The following ARMC3 variants were observed in gnomAD, a reference collection of about 807,000 sequenced individuals.
ARMC3 encodes the protein armadillo repeat-containing protein 3.
Under a neutral mutation model 90.3 loss-of-function variants are expected in ARMC3, and 74 were observed. The ratio of observed to expected loss-of-function variants is 0.82; its 90% CI spans 0.68 to 0.99. The LOEUF is 0.99. ARMC3 is among the 50% of genes least tolerant of loss of function. The probability of loss-of-function intolerance (pLI) is 0.00; values close to 1 mark genes in which losing one functional copy is unlikely to be tolerated. For synonymous variants in ARMC3, 334 were observed against 361.8 expected, an observed-to-expected ratio of 0.92 and a Z score of 0.87; for missense variants, 958 against 1,042.8, an observed-to-expected ratio of 0.92 and a Z score of 1.12.
At chr10:22,953,626 AAG>A (rs200625873) in intron 3 of ARMC3, among the ~76,000 whole-genome samples, 4,980 of 152,296 alleles carry the variant, frequency 0.033, 109 homozygotes, top group Middle Eastern at 0.095. Flanking sequence ...GGAGCAAGAG[AAG>A]GATGTCTGCT....
At chr10:22,950,072 T>A (rs1374377153) in intron 3 of ARMC3, among the ~76,000 whole-genome samples, 1 of 135,852 alleles carries the variant, frequency 7.4e-6, no homozygotes, top group Non-Finnish European at 1.5e-5. Context: ...GAAATAATGT[T>A]TTTTTTCCAA....
chr10:22,951,104 ATTGT>A (rs1834724748), intron 3 of ARMC3, among the ~76,000 whole-genome samples: 1 of 152,138 alleles, frequency 6.6e-6, no homozygotes, highest in Non-Finnish European at 1.5e-5. Context: ...CACCCAGCTA[ATTGT>A]TTGTATTTTT....
At chr10:23,029,442 G>A (rs981179428) in intron 16 of ARMC3, among the ~76,000 whole-genome samples, 6 of 152,112 alleles carry the variant, frequency 3.9e-5, no homozygotes, top group Non-Finnish European at 8.8e-5. Flanking sequence ...GGTGAAGTAT[G>A]CTTACTCCAC....
intron 16 of ARMC3, among the ~76,000 whole-genome samples, chr10:23,012,559 CA>C (rs1838064744): frequency 6.6e-6 from 1 of 152,104 alleles, no homozygotes; most frequent in African/African-American, 2.4e-5. Context: ...ACTCATTGTT[CA>C]CCGCAGCTCC....
intron 16 of ARMC3, among the ~76,000 whole-genome samples, chr10:23,017,486 C>T (rs1033003792): frequency 1.3e-5 from 2 of 152,228 alleles, no homozygotes; most frequent in Non-Finnish European, 2.9e-5. Flanking sequence ...AGTGATTGAC[C>T]GGGCATGGTG....
chr10:23,026,652 A>C (rs1249726400), intron 16 of ARMC3, among the ~76,000 whole-genome samples: 2 of 152,284 alleles, frequency 1.3e-5, no homozygotes, highest in African/African-American at 2.4e-5. Flanking sequence ...CATCATACTT[A>C]ATGGTAAAAG....
chr10:22,944,031 AGTT>A (rs925069039), intron 2 of ARMC3, among the ~76,000 whole-genome samples: 5 of 152,090 alleles, frequency 3.3e-5, no homozygotes, highest in African/African-American at 1.2e-4. Flanking sequence ...GATCCACCAC[AGTT>A]GTTTTTATAT....
intron 10 of ARMC3, among the ~76,000 whole-genome samples, chr10:22,988,455 CA>C (rs1264036776): frequency 1.3e-5 from 2 of 152,170 alleles, no homozygotes; most frequent in African/African-American, 4.8e-5. Flanking sequence ...AAGCACTTTT[CA>C]AACCTTTTGA....
chr10:23,031,065 G>A lies in ARMC3; in HGVS notation c.2246+269G>A, dbSNP rs1838909060. On this transcript the variant is annotated intron_variant, in intron 17 of 18. Coordinates refer to ENST00000298032, the MANE Select transcript of ARMC3 (RefSeq NM_173081.5). Reference sequence around the variant, plus strand: ...TAGACCATGAAAAGCATCTTTCAATGTGATCCTGCAGAAGTTATGAATGAA... The same window carrying A: ...TAGACCATGAAAAGCATCTTTCAATATGATCCTGCAGAAGTTATGAATGAA... The A allele has an allele frequency of 1.4e-5, 5 of 354,014 alleles. No individual in the cohort carries two copies. The South Asian group carries it at 2.4e-4, about 17-fold the overall frequency. 21.9% of individuals were successfully genotyped at this position (354,014 alleles called of 1,614,324 possible).
At chr10:23,003,964 T>C (rs754775186) in intron 13 of ARMC3, among the ~76,000 whole-genome samples, 38 of 152,010 alleles carry the variant, frequency 2.5e-4, no homozygotes, top group Middle Eastern at 3.2e-3. Context: ...CTGGGGAACA[T>C]AGTGAGACCC....
rs759436087 is a variant in ARMC3 at position 22,981,512 on chromosome 10, T to C, written c.1069+20T>C. On this transcript the variant is annotated intron_variant, in intron 9 of 18. Transcript: ENST00000298032. ...ATCAGGGTAAGTCAACTGGAAACAA[T>C]TCTTTTGAGCATTTTTAGGTTACCG... is the stretch of plus-strand genomic sequence containing the variant. The C allele has an allele frequency of 5.0e-6, 8 of 1,613,414 alleles. No homozygotes were observed. The highest frequency in any genetic ancestry group is 1.7e-5 in the Admixed American group (1 of 59,900).
At chr10:23,018,666 G>A (rs1838385629) in intron 16 of ARMC3, among the ~76,000 whole-genome samples, 1 of 151,816 alleles carries the variant, frequency 6.6e-6, no homozygotes, top group African/African-American at 2.4e-5. Context: ...ACAGGTGCCT[G>A]CCACCACACC....
intron 4 of ARMC3, among the ~76,000 whole-genome samples, chr10:22,956,297 A>G (rs1463122750): frequency 6.6e-6 from 1 of 152,222 alleles, no homozygotes; most frequent in Non-Finnish European, 1.5e-5. Flanking sequence ...AAGCCTAAAG[A>G]GTTTTGATAA....
rs1165100746 is a variant in ARMC3 at position 22,959,576 on chromosome 10, T to A, written c.537+2T>A. The A allele has an allele frequency of 3.2e-6, 5 of 1,579,874 alleles. No homozygotes were observed. The highest frequency in any genetic ancestry group is 4.3e-6 in the Non-Finnish European group (5 of 1,168,668). ...GAATGCATTTACAACTTGGTGCAGG[T>A]AAGATTAATTTCTAAAAAGCGTTCT... On this transcript the variant is annotated splice_donor_variant, in intron 6 of 18. Transcript: ENST00000298032. LOFTEE classifies it high-confidence loss of function.
chr10:22,984,893 G>A (rs570401008), intron 10 of ARMC3, among the ~76,000 whole-genome samples: 2 of 149,930 alleles, frequency 1.3e-5, no homozygotes, highest in African/African-American at 4.9e-5. Context: ...TTTTTTTTTA[G>A]ACAGGGTGTC....
At chr10:23,006,598 TG>T in intron 13 of ARMC3, 1 of 349,468 alleles carries the variant, frequency 2.9e-6, no homozygotes, top group Non-Finnish European at 5.4e-6. Context: ...TAGATGGATT[TG>T]CCAATCCAAA....
chr10:22,998,429 T>A (rs769395929), intron 11 of ARMC3, 32 bp downstream of exon 11: 2 of 1,610,780 alleles, frequency 1.2e-6, no homozygotes, highest in Admixed American at 3.3e-5. Flanking sequence ...GTTCTCTCAT[T>A]TTTCTGGTTA....
rs566554404 is a variant in ARMC3 at position 23,037,294 on chromosome 10, G to T, written c.2434G>T (p.Gly812Cys). 3.0e-5 allele frequency: 48 copies of T among 1,602,160 alleles called. No homozygotes were observed. In the South Asian group the frequency reaches 4.5e-4, roughly 15 times the overall value. ...GGCTCTGGCTGATAGAATTGGCATT[G>T]GTTGCTCCCTAGTTCGCGGAGAGTA... ...FKALADRIGI[G>C]CSLVRGEYGR... The change falls in exon 19 of 19, where the codon GGT becomes TGT. Residue 812 changes from glycine to cysteine, a missense_variant. By Grantham distance (159) the Gly-to-Cys change is radical (BLOSUM62 -3). Transcript: ENST00000298032.
At chr10:22,994,238 A>G (rs1347249326) in intron 10 of ARMC3, among the ~76,000 whole-genome samples, 1 of 152,176 alleles carries the variant, frequency 6.6e-6, no homozygotes. Context: ...AGGAAATGGG[A>G]AGAGCGCAGG....
Sources: allele counts gnomAD v4.1 joint callset (sites outside exome capture counted in the v4.1 genomes callset), GRCh38; gene constraint gnomAD v4.1.1; transcripts MANE v1.5; gene names NCBI Gene and HGNC (gene_info 2026-07-23, HGNC 2026-07-21).